The following MTHFD1L variants were observed in gnomAD, a reference collection of about 807,000 sequenced individuals.
The protein encoded by MTHFD1L is methylenetetrahydrofolate dehydrogenase (NADP+ dependent) 1 like, also known as monofunctional C1-tetrahydrofolate synthase, mitochondrial.
In MTHFD1L, 81 loss-of-function variants were observed where a neutral mutation model predicts 119.5. That is an observed-to-expected ratio of 0.68 (90% CI 0.57 to 0.82). MTHFD1L has a LOEUF of 0.82. Ranked by LOEUF, MTHFD1L falls within the 40% of genes least tolerant of loss-of-function variation. The probability of loss-of-function intolerance (pLI) is 0.00; values close to 1 mark genes in which losing one functional copy is unlikely to be tolerated. For synonymous variants in MTHFD1L, 430 were observed against 475.2 expected, an observed-to-expected ratio of 0.90 and a Z score of 1.24; for missense variants, 1,125 against 1,253.4, an observed-to-expected ratio of 0.90 and a Z score of 1.55.
At chr6:150,951,623 A>G (rs1425453247) in intron 16 of MTHFD1L, among the ~76,000 whole-genome samples, 4 of 152,196 alleles carry the variant, frequency 2.6e-5, no homozygotes, top group African/African-American at 4.8e-5. Flanking sequence ...ATGAACCACA[A>G]CTTACTTAAG....
At chr6:150,965,082 TGC>T in intron 19 of MTHFD1L, 45 bp downstream of exon 19, 1 of 1,559,490 alleles carries the variant, frequency 6.4e-7, no homozygotes, top group Non-Finnish European at 8.8e-7. Context: ...TTAACTGGAT[TGC>T]CACACAATGT....
At chr6:150,974,724 C>CTTTTT (rs58490721) in intron 20 of MTHFD1L, among the ~76,000 whole-genome samples, 1 of 144,620 alleles carries the variant, frequency 6.9e-6, no homozygotes, top group East Asian at 2.0e-4. Flanking sequence ...AATTCTCTTC[C>CTTTTT]TTTTTTTTTT....
intron 26 of MTHFD1L, among the ~76,000 whole-genome samples, chr6:151,077,908 G>A (rs536041717): frequency 8.5e-4 from 129 of 150,886 alleles, no homozygotes; most frequent in African/African-American, 2.1e-3. Context: ...AAAATTAGCC[G>A]GGCGTGGTGG....
chr6:151,087,891 A>G (rs12216229), intron 26 of MTHFD1L, among the ~76,000 whole-genome samples: 37,632 of 152,138 alleles, frequency 0.25, 4,782 homozygotes, highest in South Asian at 0.33. Flanking sequence ...CCTTTGTAGA[A>G]GAATCCATTA....
intron 26 of MTHFD1L, among the ~76,000 whole-genome samples, chr6:151,071,569 A>G (rs1379975495): frequency 6.6e-6 from 1 of 151,912 alleles, no homozygotes; most frequent in Non-Finnish European, 1.5e-5. Context: ...TGAACTTCGC[A>G]TGGTTCTGGC....
chr6:151,044,393 CGGGTT>C (rs1787629312), intron 26 of MTHFD1L, among the ~76,000 whole-genome samples: 1 of 151,666 alleles, frequency 6.6e-6, no homozygotes, highest in Non-Finnish European at 1.5e-5. Flanking sequence ...CCTCCATCTC[CGGGTT>C]TCAAGCGATT....
At chr6:150,963,357 A>AAG (rs4035894) in intron 18 of MTHFD1L, among the ~76,000 whole-genome samples, 148,185 of 152,286 alleles carry the variant, frequency 0.97, 72,111 homozygotes, top group East Asian at 1. Flanking sequence ...GAAAATTGCT[A>AAG]AGAGTGGTTA....
At chr6:150,908,988 ATTC>A (rs1413938731) in intron 8 of MTHFD1L, among the ~76,000 whole-genome samples, 1 of 152,124 alleles carries the variant, frequency 6.6e-6, no homozygotes, top group Non-Finnish European at 1.5e-5. Flanking sequence ...TGAAATTTTT[ATTC>A]TTACCTTCAT....
chr6:151,092,429 G>C (rs1161123468), intron 26 of MTHFD1L, 38 bp from the exon 27 acceptor site: 1 of 1,529,918 alleles, frequency 6.5e-7, no homozygotes, highest in Admixed American at 1.8e-5. Flanking sequence ...CCGCTTTGTA[G>C]CATTTGCTAA....
intron 1 of MTHFD1L, 146 bp downstream of exon 1, chr6:150,866,195 G>A: frequency 1.5e-6 from 2 of 1,362,006 alleles, no homozygotes; most frequent in Non-Finnish European, 9.6e-7. Context: ...GCGGTGTGTC[G>A]GGAAACGCGG....
At chr6:150,921,079 G>A (rs139691543) in intron 9 of MTHFD1L, among the ~76,000 whole-genome samples, 1,680 of 150,804 alleles carry the variant, frequency 0.011, 31 homozygotes, top group African/African-American at 0.038. Flanking sequence ...AGCCTCCTGA[G>A]TAGTTGGGAT....
At chr6:150,992,431 C>T (rs917919262) in intron 20 of MTHFD1L, among the ~76,000 whole-genome samples, 3 of 152,080 alleles carry the variant, frequency 2.0e-5, no homozygotes, top group African/African-American at 7.2e-5. Flanking sequence ...GAGTTATGAC[C>T]ATGGGAAGAA....
chr6:150,947,871 A>G (rs1428979701), intron 15 of MTHFD1L, among the ~76,000 whole-genome samples: 2 of 152,170 alleles, frequency 1.3e-5, no homozygotes, highest in Non-Finnish European at 1.5e-5. Flanking sequence ...CTTCAGATCA[A>G]TCCTTTTCAG....
At chr6:150,890,683 A>G (rs1583406095) in intron 7 of MTHFD1L, among the ~76,000 whole-genome samples, 1 of 152,224 alleles carries the variant, frequency 6.6e-6, no homozygotes, top group Non-Finnish European at 1.5e-5. Context: ...GCCATAAGGC[A>G]GAAGGAGAGA....
chr6:151,082,343 C>T (rs1793281025), intron 26 of MTHFD1L, among the ~76,000 whole-genome samples: 1 of 152,172 alleles, frequency 6.6e-6, no homozygotes, highest in South Asian at 2.1e-4. Context: ...AGTTTATAGT[C>T]ACGCTTCTGA....
intron 26 of MTHFD1L, among the ~76,000 whole-genome samples, chr6:151,087,776 C>T (rs1031828074): frequency 5.3e-5 from 8 of 152,182 alleles, no homozygotes; most frequent in African/African-American, 1.9e-4. Context: ...ATTGATAGAA[C>T]TCATTCTTTC....
intron 11 of MTHFD1L, among the ~76,000 whole-genome samples, chr6:150,931,755 T>C (rs1360248963): frequency 6.6e-6 from 1 of 152,260 alleles, no homozygotes; most frequent in Non-Finnish European, 1.5e-5. Flanking sequence ...GGATAAGCCA[T>C]CTTTTTGACC....
At chr6:151,051,701 A>G (rs1237362649) in intron 26 of MTHFD1L, among the ~76,000 whole-genome samples, 2 of 152,238 alleles carry the variant, frequency 1.3e-5, no homozygotes, top group East Asian at 3.8e-4. Flanking sequence ...CACCTGGAGA[A>G]TTAAAGCAAG....
intron 20 of MTHFD1L, 105 bp downstream of exon 20, chr6:150,972,163 C>A: frequency 1.0e-6 from 1 of 973,804 alleles, no homozygotes. Flanking sequence ...CATATTCTTT[C>A]AGGCACCCTC....
Sources: gnomAD v4.1 joint callset for allele counts (sites outside exome capture counted in the v4.1 genomes callset) on GRCh38, gnomAD v4.1.1 for gene constraint, MANE v1.5 for transcripts, NCBI Gene and HGNC (gene_info 2026-07-23, HGNC 2026-07-21) for gene names.